MASTL: variants seen among roughly 807,000 people sequenced by gnomAD.
The protein encoded by MASTL is microtubule associated serine/threonine kinase like.
MASTL carries 54 observed loss-of-function variants against 82.5 expected under a neutral mutation model. That is an observed-to-expected ratio of 0.65 (90% CI 0.53 to 0.82). The LOEUF (loss-of-function observed/expected upper bound fraction) is 0.82, where lower values mean the gene tolerates loss of function less well. Ranked by LOEUF, MASTL falls within the 40% of genes least tolerant of loss-of-function variation. MASTL has a pLI of 0.00. For synonymous variants in MASTL, 323 were observed against 368.9 expected (o/e 0.88, Z 1.43); for missense variants, 950 against 1,047.8 (o/e 0.91, Z 1.29).
At chr10:27,181,731 G>A in intron 11 of MASTL, 150 bp downstream of exon 11, 2 of 600,202 alleles carry the variant, frequency 3.3e-6, no homozygotes, top group South Asian at 3.1e-5. Flanking sequence ...ACAAGGTCAG[G>A]AGTTCAAGAC....
chr10:27,162,262 T>C (rs928150826), intron 4 of MASTL, among the ~76,000 whole-genome samples: 2 of 152,216 alleles, frequency 1.3e-5, no homozygotes. Flanking sequence ...AAAATACACA[T>C]AAATGAAATC....
intron 1 of MASTL, 107 bp downstream of exon 1, chr10:27,155,719 G>C: frequency 7.7e-7 from 1 of 1,303,042 alleles, no homozygotes; most frequent in Non-Finnish European, 1.1e-6. Flanking sequence ...AGTCTGGGTG[G>C]CCTGGCTTGC....
rs1329529466 is a variant in MASTL at position 27,175,308 on chromosome 10, G to A, written c.2266+2049G>A. ...AGATATTCTCCTGCCTCAGCCTCCC[G>A]AGTAGCTGGGATTACAGGCATGCGC... On this transcript the variant is annotated intron_variant, in intron 9 of 11. Coordinates refer to ENST00000375940, the MANE Select transcript of MASTL (RefSeq NM_001172303.3). Among the ~76,000 whole-genome samples, 4 of 151,876 alleles carry A rather than the reference G, an allele frequency of 2.6e-5. No homozygotes were observed. In the East Asian group the frequency reaches 7.7e-4, roughly 29 times the overall value.
chr10:27,171,825 C>CTTTTTTTTTTTTTT, intron 8 of MASTL, among the ~76,000 whole-genome samples: 1 of 93,560 alleles, frequency 1.1e-5, no homozygotes, highest in Non-Finnish European at 1.9e-5. Context: ...AAATATGTTT[C>CTTTTTTTTTTTTTT]TTTTTTTTTT....
In MASTL at chr10:27,170,666, T is replaced by C; in HGVS notation, c.1707T>C (p.Ser569=). ...DRASKNISMN[S]DSSFPGISIM... is the part of the protein sequence containing the mutation. ...CTTCTAAAAATATTTCTATGAACTCTGATTCATCTTTTCCTGGAATTTCTA... is the reference window on the plus strand; with the variant it reads ...CTTCTAAAAATATTTCTATGAACTCCGATTCATCTTTTCCTGGAATTTCTA... The change falls in exon 8 of 12, where the codon TCT becomes TCC. Residue 569 remains serine (S), a synonymous_variant. Coordinates refer to ENST00000375940, the MANE Select transcript of MASTL (RefSeq NM_001172303.3). The C allele has an allele frequency of 6.2e-7, 1 of 1,611,416 alleles. No homozygotes were observed. Among genetic ancestry groups the C allele is most frequent in the Non-Finnish European group, 8.5e-7 (1 of 1,179,342 alleles).
chr10:27,165,674 G>C (rs539669013), intron 6 of MASTL, 135 bp downstream of exon 6: 1 of 989,530 alleles, frequency 1.0e-6, no homozygotes, highest in African/African-American at 1.6e-5. Context: ...GTGCAATGGC[G>C]CGATCTCGGC....
chr10:27,185,027 T>TG (rs1415724338), intron 11 of MASTL, among the ~76,000 whole-genome samples: 4 of 152,116 alleles, frequency 2.6e-5, no homozygotes, highest in Admixed American at 1.3e-4. Flanking sequence ...GTTGTAGAGA[T>TG]GCAAGTCAGT....
rs754252629 is a variant in MASTL at position 27,170,818 on chromosome 10, C to T, written c.1859C>T (p.Pro620Leu). ...CCAGATTGCCAAGAAAAGACCTCAC[C>T]AAAAGGTGTCGAGAACCCTGCTGTA... is the stretch of plus-strand genomic sequence containing the variant. Reference protein sequence around the residue: ...VTPDCQEKTSPKGVENPAVQE... With the variant: ...VTPDCQEKTSLKGVENPAVQE... The change falls in exon 8 of 12, where the codon CCA becomes CTA. Residue 620 changes from proline to leucine, a missense_variant. Physicochemically the swap from Pro to Leu is moderately conservative, Grantham distance 98. Transcript: ENST00000375940. 3.1e-6 allele frequency: 5 copies of T among 1,614,132 alleles called. No homozygotes were observed. In the South Asian group the frequency reaches 3.3e-5, roughly 11 times the overall value.
chr10:27,168,113 A>G (rs1431147422), intron 7 of MASTL, among the ~76,000 whole-genome samples: 1 of 152,200 alleles, frequency 6.6e-6, no homozygotes, highest in African/African-American at 2.4e-5. Context: ...AATAATTTTG[A>G]TTCTATTTGC....
At chr10:27,172,200 C>T (rs920443567) in intron 8 of MASTL, among the ~76,000 whole-genome samples, 3 of 152,018 alleles carry the variant, frequency 2.0e-5, no homozygotes, top group African/African-American at 4.8e-5. Flanking sequence ...TTTTTTCTTC[C>T]TTTGGGAAAA....
At position 27,165,644 on chromosome 10, in the gene MASTL, A is replaced by G. The variant is rs1390104968; in HGVS notation, c.811+105A>G. ...TTCTTTCTTTTTGAGACGGAGTCTT[A>G]CTCTGTCATCCAGGCTGGAGTGCAA... On this transcript the variant is annotated intron_variant, in intron 6 of 11. Coordinates refer to ENST00000375940, the MANE Select transcript of MASTL (RefSeq NM_001172303.3). The G allele has an allele frequency of 3.7e-5, 49 of 1,311,276 alleles. 1 individual carries two copies. The South Asian group carries it at 5.3e-4, about 14-fold the overall frequency. The allele number at this position is 1,311,276 out of a possible 1,614,324, so 81.2% of individuals were successfully genotyped here.
chr10:27,183,786 C>T (rs1371839419), intron 11 of MASTL, among the ~76,000 whole-genome samples: 1 of 151,988 alleles, frequency 6.6e-6, no homozygotes, highest in South Asian at 2.1e-4. Context: ...AGCACAATCT[C>T]GGCTCACTGC....
chr10:27,160,827 G>A (rs1359652300), intron 3 of MASTL, among the ~76,000 whole-genome samples: 2 of 151,652 alleles, frequency 1.3e-5, no homozygotes, highest in South Asian at 4.2e-4. Context: ...ATCTAATAAG[G>A]TTTCTTTATT....
At chr10:27,155,967 G>T (rs560627692) in intron 1 of MASTL, among the ~76,000 whole-genome samples, 142 of 152,298 alleles carry the variant, frequency 9.3e-4, no homozygotes, top group African/African-American at 3.3e-3. Context: ...TAAAGCCAAA[G>T]CCGTGATTCG....
Position 27,187,728 on chromosome 10 carries a change from G to C in MASTL, c.*1192G>C, listed in dbSNP as rs1317645216. 6.7e-6 allele frequency among the ~76,000 whole-genome samples: 1 copy of C among 149,176 alleles called. No homozygotes were observed. Among genetic ancestry groups the C allele is most frequent in the African/African-American group, 2.5e-5 (1 of 40,286 alleles). On this transcript the variant is annotated 3_prime_UTR_variant, in exon 12 of 12. Transcript: ENST00000375940. ...GATCACATCACTGCATTTCAGCCTG[G>C]GCAACAGAATGAGACTCAGTCTCAA... is the stretch of plus-strand genomic sequence containing the variant.
At chr10:27,163,378 C>T (rs908583503) in intron 4 of MASTL, among the ~76,000 whole-genome samples, 3 of 151,934 alleles carry the variant, frequency 2.0e-5, no homozygotes, top group African/African-American at 2.4e-5. Flanking sequence ...AATCTTATTT[C>T]GAAATCTGAT....
In MASTL at chr10:27,173,211, G is replaced by A. The variant is rs373169153; in HGVS notation, c.2218G>A (p.Gly740Arg). Reference protein sequence around the residue: ...VAPVDDGRILGTPDYLAPELL... With the variant: ...VAPVDDGRILRTPDYLAPELL... ...CCCCGTTGATGATGGGCGAATTCTA[G>A]GAACCCCAGACTACCTTGCACCTGA... The change falls in exon 9 of 12, where the codon GGA (glycine) becomes AGA (arginine). Residue 740 changes from glycine to arginine, a missense_variant. Gly to Arg is a moderately radical substitution (Grantham distance 125). Coordinates refer to ENST00000375940, the MANE Select transcript of MASTL (RefSeq NM_001172303.3). 3 of 1,614,142 alleles carry A rather than the reference G, an allele frequency of 1.9e-6. No homozygotes were observed. The highest frequency in any genetic ancestry group is 2.5e-6 in the Non-Finnish European group (3 of 1,180,012).
chr10:27,184,339 A>G (rs1464685362), intron 11 of MASTL, among the ~76,000 whole-genome samples: 2 of 152,154 alleles, frequency 1.3e-5, no homozygotes, highest in African/African-American at 4.8e-5. Flanking sequence ...GGGAGCAGAC[A>G]TTTGGAAAGT....
Position 27,170,732 on chromosome 10 carries a change from T to C in MASTL, c.1773T>C (p.Asp591=). 1.2e-6 allele frequency: 2 copies of C among 1,613,818 alleles called. No homozygotes were observed. The highest frequency in any genetic ancestry group is 1.1e-5 in the South Asian group (1 of 91,046). Residue 591 remains aspartate (D), a synonymous_variant, in exon 8 of 12, where the codon GAT becomes GAC. Coordinates refer to ENST00000375940, the MANE Select transcript of MASTL (RefSeq NM_001172303.3). ...SPLESQPLDS[D]RSIKESSFEE... ...TAGAAAGTCAGCCCTTAGATTCAGA[T>C]AGAAGCATCAAAGAATCCTCTTTTG...
Sources: allele counts gnomAD v4.1 joint callset (sites outside exome capture counted in the v4.1 genomes callset), GRCh38; gene constraint gnomAD v4.1.1; transcripts MANE v1.5; gene names NCBI Gene and HGNC (gene_info 2026-07-23, HGNC 2026-07-21).